The following COL5A1 variants were observed in gnomAD, a reference collection of about 807,000 sequenced individuals.
The protein encoded by COL5A1 is collagen alpha-1(V) chain.
COL5A1 carries 16 observed loss-of-function variants against 263.7 expected under a neutral mutation model. The ratio of observed to expected loss-of-function variants is 0.06; its 90% CI spans 0.04 to 0.09. COL5A1 has a LOEUF of 0.09. Ranked by LOEUF, COL5A1 falls within the 10% of genes least tolerant of loss-of-function variation. COL5A1 has a pLI of 1.00. For synonymous variants in COL5A1, 1,012 were observed against 1,004.5 expected (o/e 1.01, Z -0.14); for missense variants, 2,036 against 2,540.5 (o/e 0.80, Z 4.27).
At chr9:134,774,521 C>T (rs1323278856) in intron 26 of COL5A1, among the ~76,000 whole-genome samples, 2 of 152,218 alleles carry the variant, frequency 1.3e-5, no homozygotes, top group African/African-American at 2.4e-5. Flanking sequence ...GAATGCATTT[C>T]TTTAGGGACA....
intron 11 of COL5A1, among the ~76,000 whole-genome samples, chr9:134,749,940 G>A (rs2132681083): frequency 6.6e-6 from 1 of 152,358 alleles, no homozygotes; most frequent in African/African-American, 2.4e-5. Context: ...GGCCAGGTTG[G>A]CTGGGCGTGA....
intron 11 of COL5A1, among the ~76,000 whole-genome samples, chr9:134,745,399 A>G (rs937612985): frequency 2.0e-5 from 3 of 152,192 alleles, no homozygotes; most frequent in African/African-American, 7.2e-5. Context: ...CAGGGTGTTC[A>G]TCACGGTCAG....
chr9:134,661,142 G>A (rs1053258871), intron 1 of COL5A1, among the ~76,000 whole-genome samples: 5 of 151,578 alleles, frequency 3.3e-5, no homozygotes, highest in East Asian at 2.0e-4. Context: ...AGAGGAAGCC[G>A]AGAGTTGCCT....
intron 11 of COL5A1, among the ~76,000 whole-genome samples, chr9:134,743,051 T>C (rs1250850759): frequency 6.6e-6 from 1 of 152,198 alleles, no homozygotes; most frequent in African/African-American, 2.4e-5. Flanking sequence ...TCCATTCGCG[T>C]GTGTGCCCCA....
At chr9:134,804,696 C>G (rs573445761) in intron 39 of COL5A1, among the ~76,000 whole-genome samples, 17 of 152,296 alleles carry the variant, frequency 1.1e-4, no homozygotes, top group African/African-American at 4.1e-4. Context: ...AGTCCAGTCA[C>G]GACTCTGAAA....
intron 25 of COL5A1, 87 bp from the exon 26 acceptor site, chr9:134,772,703 A>C: frequency 8.1e-6 from 11 of 1,358,092 alleles, no homozygotes; most frequent in South Asian, 1.2e-5. Flanking sequence ...GGGCTCCATG[A>C]TCATGGATGC....
chr9:134,783,972 A>T (rs879883234), intron 29 of COL5A1, among the ~76,000 whole-genome samples: 1 of 152,176 alleles, frequency 6.6e-6, no homozygotes, highest in Non-Finnish European at 1.5e-5. Flanking sequence ...AGAAGAGATG[A>T]CACACGTTCC....
At chr9:134,781,960 G>A (rs1588541954) in intron 28 of COL5A1, among the ~76,000 whole-genome samples, 2 of 152,170 alleles carry the variant, frequency 1.3e-5, no homozygotes, top group Non-Finnish European at 2.9e-5. Flanking sequence ...CCTGAATAAT[G>A]ACAGGAAAAG....
chr9:134,766,358 T>G, intron 21 of COL5A1, 96 bp from the exon 22 acceptor site: 1 of 1,210,090 alleles, frequency 8.3e-7, no homozygotes, highest in South Asian at 1.3e-5. Flanking sequence ...CGTCGTGGGA[T>G]GGGCGTCTGA....
intron 65 of COL5A1, among the ~76,000 whole-genome samples, chr9:134,836,781 G>A (rs974698544): frequency 6.6e-6 from 1 of 152,264 alleles, no homozygotes; most frequent in Non-Finnish European, 1.5e-5. Context: ...GGTTAAAGCT[G>A]TGTCTCCCAG....
chr9:134,740,074 C>T, intron 11 of COL5A1, among the ~76,000 whole-genome samples: 1 of 152,180 alleles, frequency 6.6e-6, no homozygotes, highest in Non-Finnish European at 1.5e-5. Context: ...GCGGGTCTTG[C>T]TCCATGGCAA....
chr9:134,836,309 T>TG (rs1336536115), intron 65 of COL5A1, among the ~76,000 whole-genome samples: 3 of 151,640 alleles, frequency 2.0e-5, no homozygotes, highest in Non-Finnish European at 4.4e-5. Flanking sequence ...AGCGAGGGGG[T>TG]GCCAGGCCCT....
intron 1 of COL5A1, among the ~76,000 whole-genome samples, chr9:134,653,831 G>T (rs1232109260): frequency 6.6e-6 from 1 of 151,294 alleles, no homozygotes; most frequent in East Asian, 1.9e-4. Context: ...GGTGTGCAGG[G>T]CCGGGTGTCT....
intron 1 of COL5A1, among the ~76,000 whole-genome samples, chr9:134,660,276 T>G (rs1832163207): frequency 6.6e-6 from 1 of 152,206 alleles, no homozygotes; most frequent in South Asian, 2.1e-4. Flanking sequence ...GTTTTACTCT[T>G]GGTTTTCACT....
At position 134,732,221 on chromosome 9, in the gene COL5A1, C is replaced by T. The variant is rs549600272; in HGVS notation, c.1389+94C>T. On this transcript the variant is annotated intron_variant, in intron 9 of 65. Coordinates refer to ENST00000371817, the MANE Select transcript of COL5A1 (RefSeq NM_000093.5). Reference sequence around the variant, plus strand: ...AGGGTGTGAACAGGTCCGTGGGCCCCTGCACCTGCGCGCACTGGGTCACTT... The same window carrying T: ...AGGGTGTGAACAGGTCCGTGGGCCCTTGCACCTGCGCGCACTGGGTCACTT... The T allele has an allele frequency of 1.2e-4, 163 of 1,352,892 alleles. 2 individuals are homozygous for T. The South Asian group carries it at 1.8e-3, about 15-fold the overall frequency. The allele number at this position is 1,352,892 out of a possible 1,614,324, so 83.8% of individuals were successfully genotyped here.
At chr9:134,760,931 G>GC (rs1161275623) in intron 18 of COL5A1, among the ~76,000 whole-genome samples, 1 of 138,704 alleles carries the variant, frequency 7.2e-6, no homozygotes, top group East Asian at 2.2e-4. Context: ...GTACACACAT[G>GC]CACACACATG....
At chr9:134,659,521 T>C (rs1832135458) in intron 1 of COL5A1, among the ~76,000 whole-genome samples, 1 of 152,228 alleles carries the variant, frequency 6.6e-6, no homozygotes, top group Non-Finnish European at 1.5e-5. Context: ...GGTGGGGTTT[T>C]GGTCCCTATC....
chr9:134,649,133 G>T (rs992062829), intron 1 of COL5A1, among the ~76,000 whole-genome samples: 1 of 152,068 alleles, frequency 6.6e-6, no homozygotes, highest in Non-Finnish European at 1.5e-5. Context: ...TGTTGTTTTT[G>T]TGCCAGCCCA....
intron 31 of COL5A1, among the ~76,000 whole-genome samples, chr9:134,787,262 G>A (rs1297816992): frequency 6.6e-6 from 1 of 152,212 alleles, no homozygotes; most frequent in Non-Finnish European, 1.5e-5. Context: ...TGTGTCCTGG[G>A]CAGAGACTAG....
Sources: allele counts gnomAD v4.1 joint callset (sites outside exome capture counted in the v4.1 genomes callset), GRCh38; gene constraint gnomAD v4.1.1; transcripts MANE v1.5; gene names NCBI Gene and HGNC (gene_info 2026-07-23, HGNC 2026-07-21).